Variants in CAMKMT observed in about 807,000 individuals in gnomAD.
The protein encoded by CAMKMT is CaM KMT.
A neutral mutation model predicts 48.0 loss-of-function variants in CAMKMT; 53 were observed. The ratio of observed to expected loss-of-function variants is 1.10; its 90% CI spans 0.89 to 1.39. CAMKMT has a LOEUF of 1.39. Ranked by LOEUF, CAMKMT falls within the 40% of genes most tolerant of loss-of-function variation. The pLI, the probability that CAMKMT is intolerant of heterozygous loss-of-function variation, is 0.00. For synonymous variants in CAMKMT, 165 were observed against 152.3 expected (o/e 1.08, Z -0.61); for missense variants, 428 against 402.7 (o/e 1.06, Z -0.54).
chr2:44,658,388 A>G (rs2104069799), intron 3 of CAMKMT, among the ~76,000 whole-genome samples: 1 of 152,292 alleles, frequency 6.6e-6, no homozygotes, highest in East Asian at 1.9e-4. Context: ...AAAAGGGGGC[A>G]CCGGGTGTGC....
At chr2:44,734,502 C>T (rs2104352405) in intron 7 of CAMKMT, among the ~76,000 whole-genome samples, 2 of 152,172 alleles carry the variant, frequency 1.3e-5, no homozygotes, top group Middle Eastern at 3.4e-3. Flanking sequence ...GCAACCTCTG[C>T]CTCCTGGGTT....
rs1386942322 is a variant in CAMKMT at position 44,401,646 on chromosome 2, A to G, written c.376+11341A>G. On this transcript the variant is annotated intron_variant, in intron 3 of 10. Transcript: ENST00000378494. ...CAATTTTTAGAATTTTGGCAAAAAA[A>G]TGGCTTGAATAACTACATTAAATAT... Among the ~76,000 whole-genome samples the G allele has an allele frequency of 3.3e-5, 5 of 152,344 alleles. No individual in the cohort carries two copies. The East Asian group carries it at 9.6e-4, about 29-fold the overall frequency.
chr2:44,404,482 C>T (rs1682640720), intron 3 of CAMKMT, among the ~76,000 whole-genome samples: 1 of 151,970 alleles, frequency 6.6e-6, no homozygotes, highest in South Asian at 2.1e-4. Context: ...CACTAAGTTG[C>T]TATTCATCTA....
chr2:44,745,854 T>A (rs1679895339), intron 8 of CAMKMT, among the ~76,000 whole-genome samples: 1 of 152,246 alleles, frequency 6.6e-6, no homozygotes, highest in African/African-American at 2.4e-5. Context: ...ATATGCACGT[T>A]GTGCATGTAG....
intron 3 of CAMKMT, among the ~76,000 whole-genome samples, chr2:44,614,936 CTTTTT>C (rs3083440): frequency 0.02 from 982 of 48,996 alleles, 18 homozygotes; most frequent in African/African-American, 0.078. Flanking sequence ...GGTCTCCTTG[CTTTTT>C]TTTTTTTTTT....
At chr2:44,383,017 T>C (rs1050678607) in intron 2 of CAMKMT, among the ~76,000 whole-genome samples, 1 of 152,064 alleles carries the variant, frequency 6.6e-6, no homozygotes, top group African/African-American at 2.4e-5. Flanking sequence ...GCAGGTTTGG[T>C]TTCTTCTGAG....
chr2:44,389,032 C>T (rs539372089), intron 2 of CAMKMT, among the ~76,000 whole-genome samples: 27 of 152,224 alleles, frequency 1.8e-4, no homozygotes, highest in African/African-American at 5.8e-4. Context: ...TGTAGTAATA[C>T]GGAGAGGAAC....
intron 3 of CAMKMT, among the ~76,000 whole-genome samples, chr2:44,488,877 G>GTGTT (rs373830779): frequency 2.6e-3 from 395 of 149,966 alleles, no homozygotes; most frequent in Middle Eastern, 6.8e-3. Flanking sequence ...GTGTGTGTGT[G>GTGTT]TTTTAAGAAA....
intron 3 of CAMKMT, among the ~76,000 whole-genome samples, chr2:44,463,043 T>C (rs1667928872): frequency 6.6e-6 from 1 of 152,214 alleles, no homozygotes; most frequent in Admixed American, 6.5e-5. Context: ...TAGGGAGAGC[T>C]TTTCTTCTCT....
chr2:44,452,005 C>T (rs932223662), intron 3 of CAMKMT, among the ~76,000 whole-genome samples: 3 of 151,768 alleles, frequency 2.0e-5, no homozygotes, highest in Admixed American at 1.3e-4. Context: ...TAATATCACA[C>T]ATTTAGTGAG....
intron 2 of CAMKMT, among the ~76,000 whole-genome samples, chr2:44,377,087 G>A (rs1558552078): frequency 1.3e-5 from 2 of 151,814 alleles, no homozygotes; most frequent in Non-Finnish European, 2.9e-5. Context: ...GCTCACTGAA[G>A]CCTTGACCTC....
intron 3 of CAMKMT, among the ~76,000 whole-genome samples, chr2:44,613,992 A>T (rs564871065): frequency 1.3e-5 from 2 of 152,234 alleles, no homozygotes; most frequent in Non-Finnish European, 1.5e-5. Context: ...CTCAAGGCAG[A>T]ATATGAAAAG....
chr2:44,735,875 T>G (rs982268621), intron 7 of CAMKMT, among the ~76,000 whole-genome samples: 4 of 152,068 alleles, frequency 2.6e-5, no homozygotes, highest in African/African-American at 9.7e-5. Flanking sequence ...ATCATGCTAC[T>G]GTACTCGAGC....
intron 3 of CAMKMT, among the ~76,000 whole-genome samples, chr2:44,440,943 A>C (rs990905782): frequency 8.5e-5 from 13 of 152,062 alleles, no homozygotes; most frequent in African/African-American, 3.1e-4. Context: ...TCTTTTCTTA[A>C]AATGGCCTGT....
chr2:44,740,051 G>A (rs1412348172), intron 7 of CAMKMT, among the ~76,000 whole-genome samples: 1 of 151,672 alleles, frequency 6.6e-6, no homozygotes, highest in Non-Finnish European at 1.5e-5. Flanking sequence ...AAGGCAGAAT[G>A]TGTAGATGCA....
intron 10 of CAMKMT, among the ~76,000 whole-genome samples, chr2:44,769,612 G>A (rs1681016621): frequency 6.6e-6 from 1 of 152,052 alleles, no homozygotes; most frequent in Non-Finnish European, 1.5e-5. Context: ...TCTCATTCAT[G>A]CAAATGTTCT....
intron 3 of CAMKMT, among the ~76,000 whole-genome samples, chr2:44,407,362 C>G (rs1682856850): frequency 6.6e-6 from 1 of 152,146 alleles, no homozygotes. Context: ...TGGCCATACC[C>G]TGTGCACATG....
intron 3 of CAMKMT, among the ~76,000 whole-genome samples, chr2:44,585,192 T>A (rs1669791627): frequency 6.6e-6 from 1 of 152,222 alleles, no homozygotes; most frequent in Non-Finnish European, 1.5e-5. Context: ...CTGCACTAGA[T>A]GAAATCATTG....
rs374850245 is a variant in CAMKMT at position 44,589,758 on chromosome 2, G to A, written c.377-114525G>A. On this transcript the variant is annotated intron_variant, in intron 3 of 10. Transcript: ENST00000378494. ...AGGGACACAAACACTGCGGAAGGCC[G>A]CAGGGTCCTCTGCCTAGGAAAACCA... Among the ~76,000 whole-genome samples, 6 of 81,298 alleles carry A rather than the reference G, an allele frequency of 7.4e-5. 1 individual carries two copies. The East Asian group carries it at 1.4e-3, about 19-fold the overall frequency. 53.3% of individuals were successfully genotyped at this position (81,298 alleles called of 152,430 possible).
Sources: allele counts gnomAD v4.1 joint callset (sites outside exome capture counted in the v4.1 genomes callset), GRCh38; gene constraint gnomAD v4.1.1; transcripts MANE v1.5; gene names NCBI Gene and HGNC (gene_info 2026-07-23, HGNC 2026-07-21).